Variants in JADE1 observed in about 807,000 individuals in gnomAD.
The protein encoded by JADE1 is protein Jade-1.
JADE1 carries 14 observed loss-of-function variants against 81.8 expected under a neutral mutation model. The ratio of observed to expected loss-of-function variants is 0.17; its 90% CI spans 0.11 to 0.27. The LOEUF (loss-of-function observed/expected upper bound fraction) is 0.27, where lower values mean the gene tolerates loss of function less well. Among genes scored for constraint, JADE1 ranks in the 10% least tolerant of loss-of-function variants. The pLI, the probability that JADE1 is intolerant of heterozygous loss-of-function variation, is 1.00. For missense variants in JADE1, 690 were observed against 1,047.9 expected, an observed-to-expected ratio of 0.66 and a Z score of 4.71; for synonymous variants, 353 against 391.9, an observed-to-expected ratio of 0.90 and a Z score of 1.17.
chr4:128,867,956 A>G lies in JADE1; in HGVS notation c.1604A>G (p.Glu535Gly). 1 of 1,610,176 alleles carries G rather than the reference A, an allele frequency of 6.2e-7. No individual in the cohort carries two copies. Among genetic ancestry groups the G allele is most frequent in the Non-Finnish European group, 8.5e-7 (1 of 1,176,462 alleles). ...TTCAATCTTTACACTAAGCTTTTGG[A>G]GCAAGAAAGAGTTTCAGGTATGCAT... ...QIFNLYTKLLEQERVSGVPSS... is the reference protein window; with the variant it reads ...QIFNLYTKLLGQERVSGVPSS... The change falls in exon 10 of 11, where the codon GAG becomes GGG. Residue 535 changes from glutamate to glycine, a missense_variant. Glu to Gly is a moderately conservative substitution (Grantham distance 98). Transcript: ENST00000226319.
rs200798660 is a variant in JADE1 at position 128,872,025 on chromosome 4, G to T, written c.2292G>T (p.Glu764Asp). The T allele has an allele frequency of 1.9e-6, 3 of 1,613,918 alleles. No individual in the cohort carries two copies. The African/African-American group carries it at 4.0e-5, about 22-fold the overall frequency. The change falls in exon 11 of 11, where the codon GAG becomes GAT. Residue 764 changes from glutamate (E) to aspartate (D), a missense_variant. By Grantham distance (45) the Glu-to-Asp change is conservative. This residue lies in a region of JADE1 where 218 missense variants were observed against 274.3 expected (regional missense o/e 0.79). Transcript: ENST00000226319. The part of the protein sequence containing the change: ...PKKGERQQQG[E>D]AHDGACHQHS... ...AGGGGGAACGGCAGCAGCAGGGAGA[G>T]GCCCACGATGGGGCCTGCCACCAGC...
chr4:128,812,570 A>G (rs113940087), intron 1 of JADE1, among the ~76,000 whole-genome samples: 1 of 151,860 alleles, frequency 6.6e-6, no homozygotes, highest in South Asian at 2.1e-4. Context: ...CCCTCGCCCC[A>G]GGATTCCTCC....
At chr4:128,841,463 G>T (rs1729425843) in intron 2 of JADE1, among the ~76,000 whole-genome samples, 1 of 152,208 alleles carries the variant, frequency 6.6e-6, no homozygotes, top group South Asian at 2.1e-4. Flanking sequence ...ACCATTGATT[G>T]TGTCCTGAAT....
intron 2 of JADE1, 23 bp downstream of exon 2, chr4:128,831,833 T>A: frequency 1.9e-6 from 3 of 1,606,876 alleles, no homozygotes; most frequent in Non-Finnish European, 1.7e-6. Context: ...TTGTTGTTCT[T>A]GGAGCCTACC....
intron 1 of JADE1, among the ~76,000 whole-genome samples, chr4:128,823,865 A>C (rs1343027003): frequency 6.6e-6 from 1 of 152,192 alleles, no homozygotes; most frequent in African/African-American, 2.4e-5. Flanking sequence ...TAAGCGATTA[A>C]TGTTTACTTT....
In JADE1 at chr4:128,852,098, G is replaced by C. The variant is rs780765496; in HGVS notation, c.526G>C (p.Glu176Gln). 1.9e-6 allele frequency: 3 copies of C among 1,614,136 alleles called. No homozygotes were observed. The highest frequency in any genetic ancestry group is 2.2e-5 in the East Asian group (1 of 44,880). ...TGAATACACCATGGAGAGGGTCCTA[G>C]AGGAATTTGAGCAGCGATGCTACGA... is the stretch of plus-strand genomic sequence containing the variant. ...LDEYTMERVL[E>Q]EFEQRCYDNM... is the part of the protein sequence containing the mutation. Residue 176 changes from glutamate to glutamine, a missense_variant, in exon 6 of 11, where the codon GAG becomes CAG. Physicochemically the swap from Glu to Gln is conservative, Grantham distance 29. Coordinates refer to ENST00000226319, the MANE Select transcript of JADE1 (RefSeq NM_199320.4).
At chr4:128,861,654 T>G in intron 8 of JADE1, 50 bp from the exon 9 acceptor site, 1 of 1,580,726 alleles carries the variant, frequency 6.3e-7, no homozygotes, top group Non-Finnish European at 8.6e-7. Context: ...CCTTCTGCCA[T>G]CATTGCTCTA....
At chr4:128,865,262 G>A (rs1731699897) in intron 9 of JADE1, among the ~76,000 whole-genome samples, 1 of 152,098 alleles carries the variant, frequency 6.6e-6, no homozygotes, top group African/African-American at 2.4e-5. Context: ...TGTATCTCAG[G>A]GTGTTGTCCC....
At chr4:128,831,513 A>G (rs1313612721) in intron 1 of JADE1, 8 of 544,406 alleles carry the variant, frequency 1.5e-5, no homozygotes, top group East Asian at 3.2e-5. Flanking sequence ...AGACCTACTG[A>G]TATGTGACTT....
At chr4:128,859,717 C>T (rs951080440) in intron 8 of JADE1, among the ~76,000 whole-genome samples, 3 of 152,154 alleles carry the variant, frequency 2.0e-5, no homozygotes, top group Non-Finnish European at 2.9e-5. Flanking sequence ...CAATCTGGTC[C>T]ATAATTAATG....
At chr4:128,866,046 G>C (rs751718016) in intron 9 of JADE1, among the ~76,000 whole-genome samples, 1 of 152,068 alleles carries the variant, frequency 6.6e-6, no homozygotes, top group Non-Finnish European at 1.5e-5. Flanking sequence ...CTGGCCCCTC[G>C]TTCTTGAGCT....
chr4:128,849,218 A>G (rs369171881), intron 5 of JADE1, 51 bp downstream of exon 5: 38 of 1,491,152 alleles, frequency 2.5e-5, no homozygotes, highest in Non-Finnish European at 3.1e-5. Context: ...GAATAGAGAC[A>G]TTTTAGGCAG....
At chr4:128,831,866 C>T in intron 2 of JADE1, 56 bp downstream of exon 2, 2 of 1,491,130 alleles carry the variant, frequency 1.3e-6, no homozygotes, top group South Asian at 1.1e-5. Flanking sequence ...GGGGTAAAAA[C>T]ATGATTTTTT....
chr4:128,855,275 A>C (rs1730698149), intron 6 of JADE1, among the ~76,000 whole-genome samples: 1 of 152,234 alleles, frequency 6.6e-6, no homozygotes, highest in African/African-American at 2.4e-5. Flanking sequence ...CTTACTGCTC[A>C]ATATTTAGAA....
At position 128,863,160 on chromosome 4, in the gene JADE1, G is replaced by A. The variant is rs1439449560; in HGVS notation, c.1503+935G>A. 3 of 985,408 alleles carry A rather than the reference G, an allele frequency of 3.0e-6. No individual in the cohort carries two copies. In the African/African-American group the frequency reaches 5.2e-5, roughly 17 times the overall value. 61.0% of individuals were successfully genotyped at this position (985,408 alleles called of 1,614,324 possible). On this transcript the variant is annotated intron_variant, in intron 9 of 10. Transcript: ENST00000226319. ...TCCCCCACTTTCCATCACCTCTGGA[G>A]TCCCGTCTGGACGTCCCTTCCTGCT...
chr4:128,851,396 G>A (rs1730342630), intron 5 of JADE1, among the ~76,000 whole-genome samples: 1 of 152,164 alleles, frequency 6.6e-6, no homozygotes, highest in South Asian at 2.1e-4. Context: ...ATTATATGAA[G>A]TCATGGTTTT....
At position 128,816,563 on chromosome 4, in the gene JADE1, A is replaced by G. The variant is rs1481738541; in HGVS notation, c.-27+6686A>G. The G allele has an allele frequency of 2.6e-5, 4 of 152,216 alleles. No homozygotes were observed. The East Asian group carries it at 5.8e-4, about 22-fold the overall frequency. 9.4% of individuals were successfully genotyped at this position (152,216 alleles called of 1,614,324 possible). A position where few individuals can be genotyped will look rare whatever the true frequency, so the allele number is the denominator to read the frequency against. ...TTCCTAGCCCAGGACTTGAATGATT[A>G]TTAAGGATCCTTTCCTCACCTCAAA... On this transcript the variant is annotated intron_variant, in intron 1 of 10. Coordinates refer to ENST00000226319, the MANE Select transcript of JADE1 (RefSeq NM_199320.4).
chr4:128,859,212 G>A (rs1288700847), intron 8 of JADE1, among the ~76,000 whole-genome samples: 1 of 152,026 alleles, frequency 6.6e-6, no homozygotes, highest in Non-Finnish European at 1.5e-5. Context: ...GTGTATGGGT[G>A]TGTGTGTGAG....
At chr4:128,848,897 G>A (rs1730101283) in intron 4 of JADE1, 83 bp from the exon 5 acceptor site, 3 of 1,364,386 alleles carry the variant, frequency 2.2e-6, no homozygotes, top group South Asian at 1.2e-5. Context: ...GGTTGGAAGA[G>A]GAAGACATTT....
Sources: allele counts gnomAD v4.1 joint callset (sites outside exome capture counted in the v4.1 genomes callset), GRCh38; gene constraint gnomAD v4.1.1; regional missense constraint gnomAD v4.1.1; transcripts MANE v1.5; gene names NCBI Gene and HGNC (gene_info 2026-07-23, HGNC 2026-07-21).